EPHA6: variants seen among roughly 807,000 people sequenced by gnomAD.
EPHA6 encodes the protein ephrin type-A receptor 6.
Under a neutral mutation model 112.0 loss-of-function variants are expected in EPHA6, and 50 were observed. The ratio of observed to expected loss-of-function variants is 0.45; its 90% CI spans 0.36 to 0.56. The LOEUF (loss-of-function observed/expected upper bound fraction) is 0.56. Among genes scored for constraint, EPHA6 ranks in the 20% least tolerant of loss-of-function variants. EPHA6 has a pLI of 0.00. For synonymous variants in EPHA6, 529 were observed against 490.7 expected (o/e 1.08, Z -1.03); for missense variants, 1,280 against 1,417.4 (o/e 0.90, Z 1.56).
At chr3:97,114,025 G>C (rs542173934) in intron 3 of EPHA6, among the ~76,000 whole-genome samples, 1 of 151,982 alleles carries the variant, frequency 6.6e-6, no homozygotes, top group Non-Finnish European at 1.5e-5. Flanking sequence ...TCCTGATCAC[G>C]AGGAGGAGGT....
At chr3:97,402,982 G>A (rs916670607) in intron 5 of EPHA6, among the ~76,000 whole-genome samples, 14 of 152,148 alleles carry the variant, frequency 9.2e-5, no homozygotes, top group African/African-American at 3.1e-4. Context: ...TCTCACCTGT[G>A]ATTGGTACAT....
At chr3:97,136,138 T>G (rs2075763115) in intron 3 of EPHA6, among the ~76,000 whole-genome samples, 1 of 152,104 alleles carries the variant, frequency 6.6e-6, no homozygotes, top group African/African-American at 2.4e-5. Context: ...CAGTTATGCC[T>G]TTAGGACTCC....
intron 11 of EPHA6, among the ~76,000 whole-genome samples, chr3:97,560,028 TAAAAAGAAA>T (rs1385854947): frequency 3.3e-5 from 5 of 150,400 alleles, no homozygotes; most frequent in African/African-American, 4.9e-5. Flanking sequence ...AGGTTGCCAT[TAAAAAGAAA>T]AAAAAGAAAA....
intron 2 of EPHA6, among the ~76,000 whole-genome samples, chr3:96,922,052 GAAAA>G (rs1032506176): frequency 6.6e-6 from 1 of 151,882 alleles, no homozygotes; most frequent in Non-Finnish European, 1.5e-5. Flanking sequence ...GAGAGAGAGA[GAAAA>G]AGAGAATGCC....
intron 5 of EPHA6, among the ~76,000 whole-genome samples, chr3:97,294,093 G>A (rs1025311152): frequency 2.6e-4 from 39 of 152,372 alleles, no homozygotes; most frequent in African/African-American, 8.4e-4. Flanking sequence ...TGTGGGAGCA[G>A]GAGAGGCTTT....
intron 5 of EPHA6, among the ~76,000 whole-genome samples, chr3:97,247,867 T>G (rs1258604067): frequency 1.3e-5 from 2 of 151,938 alleles, no homozygotes; most frequent in Non-Finnish European, 2.9e-5. Flanking sequence ...GAAAAAATAT[T>G]AGAGACCAAA....
intron 14 of EPHA6, among the ~76,000 whole-genome samples, chr3:97,645,675 AG>A (rs1452212509): frequency 6.6e-6 from 1 of 152,064 alleles, no homozygotes; most frequent in Non-Finnish European, 1.5e-5. Context: ...TAAAAAAAAA[AG>A]AAAAGGATTC....
At chr3:97,290,379 G>A (rs2080634449) in intron 5 of EPHA6, among the ~76,000 whole-genome samples, 1 of 152,086 alleles carries the variant, frequency 6.6e-6, no homozygotes, top group African/African-American at 2.4e-5. Context: ...CTTGGAGTGT[G>A]TTCCATGTGC....
chr3:97,752,296 G>C lies in EPHA6; in HGVS notation c.*3595G>C. On this transcript the variant is annotated 3_prime_UTR_variant, in exon 18 of 18. Coordinates refer to ENST00000389672, the MANE Select transcript of EPHA6 (RefSeq NM_001080448.3). Reference sequence around the variant, plus strand: ...CTCTTCAGAAGAGACGGTAAAGAATGAATTCTTTTACTTATCACCCAACCA... The same window carrying C: ...CTCTTCAGAAGAGACGGTAAAGAATCAATTCTTTTACTTATCACCCAACCA... The C allele has an allele frequency of 4.5e-6, 1 of 224,168 alleles. No individual in the cohort carries two copies. The highest frequency in any genetic ancestry group is 8.9e-6 in the Non-Finnish European group (1 of 112,260). The allele number at this position is 224,168 out of a possible 1,614,324, so 13.9% of individuals were successfully genotyped here.
chr3:97,548,727 A>G (rs969018063), intron 11 of EPHA6, among the ~76,000 whole-genome samples: 44 of 152,218 alleles, frequency 2.9e-4, no homozygotes, highest in African/African-American at 1.0e-3. Context: ...CTTTGTACGC[A>G]AGCACCCTAG....
intron 3 of EPHA6, among the ~76,000 whole-genome samples, chr3:96,993,027 T>G (rs1048224091): frequency 6.6e-6 from 1 of 152,214 alleles, no homozygotes; most frequent in Non-Finnish European, 1.5e-5. Flanking sequence ...TAGTTAAAAG[T>G]GCAGCCTGTT....
intron 5 of EPHA6, among the ~76,000 whole-genome samples, chr3:97,270,059 A>G (rs2079828549): frequency 6.6e-6 from 1 of 152,212 alleles, no homozygotes; most frequent in South Asian, 2.1e-4. Flanking sequence ...AATACACTAT[A>G]TCTTTCATAT....
At chr3:97,621,397 G>A (rs544811033) in intron 13 of EPHA6, among the ~76,000 whole-genome samples, 1 of 152,040 alleles carries the variant, frequency 6.6e-6, no homozygotes, top group African/African-American at 2.4e-5. Context: ...TGCACATCCT[G>A]CACATGTACC....
In EPHA6 at chr3:97,187,640, AAG is replaced by A. The variant is rs1274085595; in HGVS notation, c.1115-38614_1115-38613del. 3.0e-3 allele frequency among the ~76,000 whole-genome samples: 446 copies of A among 148,300 alleles called. 4 individuals carry two copies. The highest frequency in any genetic ancestry group is 0.01 in the African/African-American group (408 of 40,048). ...AAAAGAAAGAAAGGGAAGAAAGAAA[AAG>A]AGAGAGAGAAAGAAAGAAAGGAAAG... On this transcript the variant is annotated intron_variant, in intron 3 of 17. Coordinates refer to ENST00000389672, the MANE Select transcript of EPHA6 (RefSeq NM_001080448.3).
chr3:97,495,910 G>A (rs927277338), intron 10 of EPHA6, among the ~76,000 whole-genome samples: 4 of 152,162 alleles, frequency 2.6e-5, no homozygotes, highest in South Asian at 2.1e-4. Context: ...AGTTATGGCC[G>A]TACTTTTTCC....
intron 3 of EPHA6, among the ~76,000 whole-genome samples, chr3:97,088,374 T>A (rs1438817874): frequency 6.6e-6 from 1 of 152,058 alleles, no homozygotes; most frequent in African/African-American, 2.4e-5. Flanking sequence ...TTTTGGCAAA[T>A]ACTGAGCAAG....
intron 13 of EPHA6, among the ~76,000 whole-genome samples, chr3:97,624,093 C>A (rs1224338480): frequency 6.6e-6 from 1 of 151,626 alleles, no homozygotes; most frequent in African/African-American, 2.4e-5. Flanking sequence ...TGTGAAAGTG[C>A]CATCCTGGCC....
intron 3 of EPHA6, among the ~76,000 whole-genome samples, chr3:97,051,148 CAATT>C (rs1370503051): frequency 6.6e-6 from 1 of 152,118 alleles, no homozygotes; most frequent in East Asian, 1.9e-4. Flanking sequence ...ATCTATGAAA[CAATT>C]AATAAGCTAT....
At chr3:96,915,927 G>A (rs1056427461) in intron 2 of EPHA6, among the ~76,000 whole-genome samples, 3 of 152,072 alleles carry the variant, frequency 2.0e-5, no homozygotes, top group Non-Finnish European at 4.4e-5. Context: ...TGTCGTATAG[G>A]TTTGTGTGAT....
Sources: gnomAD v4.1 joint callset for allele counts (sites outside exome capture counted in the v4.1 genomes callset) on GRCh38, gnomAD v4.1.1 for gene constraint, MANE v1.5 for transcripts, NCBI Gene and HGNC (gene_info 2026-07-23, HGNC 2026-07-21) for gene names.